Variants in SDF4 observed in about 807,000 individuals in gnomAD.
SDF4 encodes the protein 45 kDa calcium-binding protein.
SDF4 carries 22 observed loss-of-function variants against 34.2 expected under a neutral mutation model. The ratio of observed to expected loss-of-function variants is 0.64; its 90% CI spans 0.46 to 0.92. The LOEUF (loss-of-function observed/expected upper bound fraction) is 0.92, where lower values mean the gene tolerates loss of function less well. SDF4 is among the 40% of genes least tolerant of loss of function. SDF4 has a pLI of 0.00. For synonymous variants in SDF4, 236 were observed against 203.1 expected (o/e 1.16, Z -1.38); for missense variants, 447 against 499.9 (o/e 0.89, Z 1.01).
chr1:1,223,162 C>A, intron 4 of SDF4, 82 bp downstream of exon 4: 1 of 960,932 alleles, frequency 1.0e-6, no homozygotes, highest in East Asian at 2.4e-5. Context: ...ACGACACACA[C>A]GGCACACTCA....
chr1:1,222,090 C>T (rs1236032107), intron 4 of SDF4, among the ~76,000 whole-genome samples: 1 of 152,240 alleles, frequency 6.6e-6, no homozygotes, highest in African/African-American at 2.4e-5. Flanking sequence ...TGACCAGTCC[C>T]GTGGGCGACA....
At chr1:1,230,711 G>A (rs1267663987) in intron 1 of SDF4, among the ~76,000 whole-genome samples, 1 of 152,164 alleles carries the variant, frequency 6.6e-6, no homozygotes, top group African/African-American at 2.4e-5. Context: ...CTCCTGCCTC[G>A]GCCTCCCAAA....
chr1:1,223,785 T>TCCCCCCCCCCCCCCCCCCCCCCC, intron 3 of SDF4, 47 bp downstream of exon 3: 2 of 552,546 alleles, frequency 3.6e-6, no homozygotes, highest in Non-Finnish European at 6.4e-6. Flanking sequence ...CCCATGGCCC[T>TCCCCCCCCCCCCCCCCCCCCCCC]GCCCGCCCCG....
chr1:1,217,712 C>G lies in SDF4; in HGVS notation c.892-24G>C. On this transcript the variant is annotated intron_variant, in intron 6 of 6. Coordinates refer to ENST00000360001, the MANE Select transcript of SDF4 (RefSeq NM_016176.6). The surrounding 1 kb of genome is among the most constrained non-coding windows in gnomAD (Gnocchi z 8.5). ...CTCTGCGGGCGAGCGGGGCACAGGT[C>G]AGCGTCGCCTTTCCCCCTCCGAGCT... is the stretch of plus-strand genomic sequence containing the variant. The G allele has an allele frequency of 6.2e-7, 1 of 1,612,832 alleles. No homozygotes were observed. Among genetic ancestry groups the G allele is most frequent in the Non-Finnish European group, 8.5e-7 (1 of 1,179,598 alleles).
chr1:1,220,680 C>A (rs934357511), intron 4 of SDF4: 2 of 1,289,090 alleles, frequency 1.6e-6, no homozygotes, highest in Admixed American at 4.6e-5. Context: ...CAAAGGTAGA[C>A]GGAGGCTTCA....
chr1:1,231,395 T>G (rs575106098), intron 1 of SDF4, among the ~76,000 whole-genome samples: 1 of 152,350 alleles, frequency 6.6e-6, no homozygotes, highest in African/African-American at 2.4e-5. Context: ...TTCTGGCAGT[T>G]AACAACACAC....
chr1:1,223,727 G>T, intron 3 of SDF4, 105 bp downstream of exon 3: 1 of 1,102,082 alleles, frequency 9.1e-7, no homozygotes, highest in Non-Finnish European at 1.3e-6. Flanking sequence ...CTTCCCCACC[G>T]CCCGTCCCTC....
Position 1,221,168 on chromosome 1 carries a change from A to G in SDF4, c.556+2076T>C, listed in dbSNP as rs532248334. On this transcript the variant is annotated intron_variant, in intron 4 of 6. Coordinates refer to ENST00000360001, the MANE Select transcript of SDF4 (RefSeq NM_016176.6). ...CCAGATAAGAGTACGTGAACTGGGA[A>G]AAGAGCAGGCAGAGCCAACAGGCTC... 52 of 205,224 alleles carry G rather than the reference A, an allele frequency of 2.5e-4. No individual in the cohort carries two copies. In the South Asian group the frequency reaches 4.0e-3, roughly 16 times the overall value. 12.7% of individuals were successfully genotyped at this position (205,224 alleles called of 1,614,324 possible). A position where few individuals can be genotyped will look rare whatever the true frequency, so the allele number is the denominator to read the frequency against.
intron 4 of SDF4, chr1:1,220,559 G>C: frequency 7.9e-7 from 1 of 1,265,914 alleles, no homozygotes; most frequent in Non-Finnish European, 1.0e-6. Flanking sequence ...GGCACCCTGA[G>C]GTCGGGGAGG....
chr1:1,220,242 C>A, intron 4 of SDF4: 1 of 1,028,866 alleles, frequency 9.7e-7, no homozygotes, highest in East Asian at 9.3e-5. Context: ...CCTCCTGGAT[C>A]AGGGAGAGTC....
intron 4 of SDF4, chr1:1,219,702 C>A: frequency 1.0e-6 from 1 of 986,186 alleles, no homozygotes; most frequent in Non-Finnish European, 1.2e-6. Flanking sequence ...ATCCCAAGGA[C>A]CCAAGCCACC....
At chr1:1,219,145 T>C in intron 4 of SDF4, 8 of 1,437,198 alleles carry the variant, frequency 5.6e-6, no homozygotes, top group Non-Finnish European at 7.3e-6. Context: ...ACAGGCCTGA[T>C]CCCCAAAGGC....
In SDF4 at chr1:1,218,898, G is replaced by C. The variant is rs547040308; in HGVS notation, c.586C>G (p.Arg196Gly). Residue 196 changes from arginine (R) to glycine (G), a missense_variant, in exon 5 of 7, where the codon CGC becomes GGC. Physicochemically the swap from Arg to Gly is moderately radical, Grantham distance 125. Coordinates refer to ENST00000360001, the MANE Select transcript of SDF4 (RefSeq NM_016176.6). This position sits in a 1 kb window ranked among gnomAD's most constrained non-coding sequence, Gnocchi z 7.9. ...TQEVLENLKD[R>G]WYQADSPPAD... ...GGGGGGCTGTCCGCCTGGTACCAGC[G>C]GTCCTTCAGGTTCTCCAGGACTTCC... 6.2e-7 allele frequency: 1 copy of C among 1,600,018 alleles called. No individual in the cohort carries two copies. Among genetic ancestry groups the C allele is most frequent in the Non-Finnish European group, 8.5e-7 (1 of 1,171,148 alleles).
chr1:1,219,266 A>C (rs1649757658), intron 4 of SDF4: 27 of 1,152,106 alleles, frequency 2.3e-5, no homozygotes, highest in Non-Finnish European at 2.8e-5. Flanking sequence ...CACAGCCCAG[A>C]CCCCCAGGAC....
At chr1:1,222,162 G>A (rs1009357562) in intron 4 of SDF4, among the ~76,000 whole-genome samples, 1 of 152,202 alleles carries the variant, frequency 6.6e-6, no homozygotes, top group East Asian at 1.9e-4. Flanking sequence ...CGGAGCAGGC[G>A]ACTCTGCACG....
In SDF4 at chr1:1,217,718, C is replaced by T. The variant is rs373902095; in HGVS notation, c.892-30G>A. 1.2e-4 allele frequency: 191 copies of T among 1,612,416 alleles called. 1 individual carries two copies. The highest frequency in any genetic ancestry group is 9.7e-4 in the South Asian group (88 of 91,002). ...GGGCGAGCGGGGCACAGGTCAGCGT[C>T]GCCTTTCCCCCTCCGAGCTCCGCGG... On this transcript the variant is annotated intron_variant, in intron 6 of 6. Transcript: ENST00000360001. This position sits in a 1 kb window ranked among gnomAD's most constrained non-coding sequence, Gnocchi z 8.5.
At position 1,219,654 on chromosome 1, in the gene SDF4, C is replaced by T. The variant is rs1756271; in HGVS notation, c.557-727G>A. 6.1e-3 allele frequency: 5,998 copies of T among 986,418 alleles called. 18 individuals are homozygous for T. The highest frequency in any genetic ancestry group is 6.9e-3 in the Non-Finnish European group (5,690 of 830,620). The allele number at this position is 986,418 out of a possible 1,614,324, so 61.1% of individuals were successfully genotyped here. ...GGCCCCCGCTCTCCTGCCGTGCCCA[C>T]CCGGCCCCAACGGGCCCTCACCCCG... is the stretch of plus-strand genomic sequence containing the variant. On this transcript the variant is annotated intron_variant, in intron 4 of 6. Transcript: ENST00000360001.
At chr1:1,219,809 T>A (rs1251268003) in intron 4 of SDF4, 1 of 985,736 alleles carries the variant, frequency 1.0e-6, no homozygotes, top group Non-Finnish European at 1.2e-6. Flanking sequence ...CTCAGCCCCC[T>A]GCACGTGAGG....
Position 1,220,685 on chromosome 1 carries a change from G to A in SDF4, c.557-1758C>T, listed in dbSNP as rs780501464. ...TGCTGAGTCCCAAAGGTAGACGGAGGCTTCACAGAAATGTCACAGAGCTCT... is the reference window on the plus strand; with the variant it reads ...TGCTGAGTCCCAAAGGTAGACGGAGACTTCACAGAAATGTCACAGAGCTCT... On this transcript the variant is annotated intron_variant, in intron 4 of 6. Coordinates refer to ENST00000360001, the MANE Select transcript of SDF4 (RefSeq NM_016176.6). The A allele has an allele frequency of 3.9e-5, 50 of 1,289,208 alleles. 1 individual carries two copies. The South Asian group carries it at 6.0e-4, about 16-fold the overall frequency. 79.9% of individuals were successfully genotyped at this position (1,289,208 alleles called of 1,614,324 possible).
Sources: allele counts gnomAD v4.1 joint callset (sites outside exome capture counted in the v4.1 genomes callset), GRCh38; gene constraint gnomAD v4.1.1; non-coding constraint Gnocchi (gnomAD v3.1); transcripts MANE v1.5; gene names NCBI Gene and HGNC (gene_info 2026-07-23, HGNC 2026-07-21).